The following ASXL1 variants were observed in gnomAD, a reference collection of about 807,000 sequenced individuals.
ASXL1 encodes the protein ASXL transcriptional regulator 1, also known as polycomb group protein ASXL1.
In ASXL1, 65 loss-of-function variants were observed where a neutral mutation model predicts 89.1. That is an observed-to-expected ratio of 0.73 (90% CI 0.60 to 0.90). ASXL1 has a LOEUF of 0.90. ASXL1 is among the 40% of genes least tolerant of loss of function. The pLI, the probability that ASXL1 is intolerant of heterozygous loss-of-function variation, is 0.00. For missense variants in ASXL1, 1,786 were observed against 1,942.9 expected (o/e 0.92, Z 1.52); for synonymous variants, 739 against 746.9 (o/e 0.99, Z 0.17).
chr20:32,396,793 C>T (rs2048769864), intron 4 of ASXL1, among the ~76,000 whole-genome samples: 1 of 152,126 alleles, frequency 6.6e-6, no homozygotes. Flanking sequence ...CTCTCATTCT[C>T]TCTCAGTATA....
intron 12 of ASXL1, 62 bp from the exon 13 acceptor site, chr20:32,434,370 T>C: frequency 1.3e-6 from 2 of 1,589,582 alleles, no homozygotes; most frequent in Non-Finnish European, 1.7e-6. Context: ...TAGTTTTGCT[T>C]TACAGTCCCT....
Position 32,430,636 on chromosome 20 carries a change from G to T in ASXL1, c.718+583G>T, listed in dbSNP as rs2011487032. On this transcript the variant is annotated intron_variant, in intron 8 of 12. Coordinates refer to ENST00000375687, the MANE Select transcript of ASXL1 (RefSeq NM_015338.6). ...TTAATTCTTAATGACCCACATGCTG[G>T]TTTTTTTTGTAGATGAAACCATTAA... The T allele has an allele frequency of 1.7e-5, 4 of 228,634 alleles. No homozygotes were observed. In the South Asian group the frequency reaches 4.8e-4, roughly 27 times the overall value. The allele number at this position is 228,634 out of a possible 1,614,324, so 14.2% of individuals were successfully genotyped here.
intron 1 of ASXL1, chr20:32,360,262 C>G (rs945616039): frequency 2.4e-4 from 37 of 154,886 alleles, no homozygotes; most frequent in Admixed American, 2.6e-4. Context: ...TGTTTGTATG[C>G]TGAAGTTTTG....
At chr20:32,400,608 G>A (rs1366205969) in intron 4 of ASXL1, among the ~76,000 whole-genome samples, 1 of 152,084 alleles carries the variant, frequency 6.6e-6, no homozygotes, top group African/African-American at 2.4e-5. Context: ...ATGGTCTTGG[G>A]TAGTTTCATC....
chr20:32,413,271 A>G (rs946576075), intron 4 of ASXL1, among the ~76,000 whole-genome samples: 9 of 152,336 alleles, frequency 5.9e-5, no homozygotes, highest in Non-Finnish European at 1.2e-4. Flanking sequence ...ACCGGAAACA[A>G]TGAGGTTGGT....
intron 4 of ASXL1, among the ~76,000 whole-genome samples, chr20:32,422,217 G>A (rs1432582300): frequency 6.6e-6 from 1 of 150,910 alleles, no homozygotes; most frequent in Non-Finnish European, 1.5e-5. Context: ...TTAGGAAGGG[G>A]CACAAGGAAA....
At chr20:32,412,143 C>G (rs186688047) in intron 4 of ASXL1, among the ~76,000 whole-genome samples, 2 of 152,274 alleles carry the variant, frequency 1.3e-5, no homozygotes, top group African/African-American at 4.8e-5. Context: ...CTTTGTCTGT[C>G]TATAGGTAAA....
chr20:32,413,648 C>T (rs2049087525), intron 4 of ASXL1, among the ~76,000 whole-genome samples: 1 of 152,122 alleles, frequency 6.6e-6, no homozygotes, highest in South Asian at 2.1e-4. Context: ...GAGGGGTTTC[C>T]CGGGGTGTAG....
intron 1 of ASXL1, among the ~76,000 whole-genome samples, chr20:32,363,928 T>G (rs1343530305): frequency 6.6e-6 from 1 of 152,180 alleles, no homozygotes; most frequent in African/African-American, 2.4e-5. Flanking sequence ...GAGACCAGAT[T>G]GTGAGGGTTC....
At position 32,436,905 on chromosome 20, in the gene ASXL1, A is replaced by C; in HGVS notation, c.4193A>C (p.His1398Pro). 2 of 1,614,226 alleles carry C rather than the reference A, an allele frequency of 1.2e-6. No homozygotes were observed. The highest frequency in any genetic ancestry group is 1.7e-6 in the Non-Finnish European group (2 of 1,180,036). Residue 1398 changes from histidine to proline, a missense_variant, in exon 13 of 13, where the codon CAC becomes CCC. Around this residue, in one of 3 missense-constraint regions of ASXL1, gnomAD observed 1,418 missense variants for 1,427.8 expected, o/e 0.99. Transcript: ENST00000375687. ...TGHSPLELVG[H>P]LEGMPFVMDL... ...CATAGTCCCCTGGAACTGGTGGGTCACTTGGAAGGGATGCCCTTTGTCATG... is the reference window on the plus strand; with the variant it reads ...CATAGTCCCCTGGAACTGGTGGGTCCCTTGGAAGGGATGCCCTTTGTCATG...
chr20:32,363,223 G>A (rs2048150636), intron 1 of ASXL1, among the ~76,000 whole-genome samples: 2 of 151,782 alleles, frequency 1.3e-5, no homozygotes, highest in Admixed American at 1.3e-4. Context: ...TCTGATTGCT[G>A]TTTAAATAAT....
intron 4 of ASXL1, among the ~76,000 whole-genome samples, chr20:32,425,124 A>G (rs986293950): frequency 1.3e-5 from 2 of 152,276 alleles, no homozygotes; most frequent in African/African-American, 4.8e-5. Context: ...TCAACTATGC[A>G]TTATTTTGTA....
Position 32,437,304 on chromosome 20 carries a change from CA to C in ASXL1, c.4595del (p.Lys1532SerfsTer9). On this transcript the variant is annotated frameshift_variant, in exon 13 of 13. Coordinates refer to ENST00000375687, the MANE Select transcript of ASXL1 (RefSeq NM_015338.6). LOFTEE classifies it high-confidence loss of function. Reference protein sequence around the residue: ...AFCHDDCIGPSKLCVLCLVVR With the variant: ...AFCHDDCIGPXKLCVLCLVVR ...TGTCACGATGACTGTATTGGACCCT[CA>C]AAGCTCTGTGTATTGTGCCTTGTGG... The C allele has an allele frequency of 6.2e-7, 1 of 1,614,080 alleles. No homozygotes were observed. The highest frequency in any genetic ancestry group is 8.5e-7 in the Non-Finnish European group (1 of 1,180,032).
intron 4 of ASXL1, among the ~76,000 whole-genome samples, chr20:32,375,003 A>G (rs1204830639): frequency 1.3e-5 from 2 of 152,220 alleles, no homozygotes; most frequent in African/African-American, 2.4e-5. Flanking sequence ...TCTTACAGCT[A>G]TGGAGGCCAA....
At chr20:32,385,136 AG>A (rs2048557320) in intron 4 of ASXL1, among the ~76,000 whole-genome samples, 1 of 152,230 alleles carries the variant, frequency 6.6e-6, no homozygotes, top group African/African-American at 2.4e-5. Flanking sequence ...CTGATGTTTG[AG>A]TGCTAACTGT....
intron 4 of ASXL1, among the ~76,000 whole-genome samples, chr20:32,380,524 G>T (rs555552426): frequency 1.3e-5 from 2 of 152,196 alleles, no homozygotes; most frequent in Admixed American, 1.3e-4. Flanking sequence ...GCCCAAGGTG[G>T]GAGAATTGCT....
chr20:32,383,059 G>A (rs2048516574), intron 4 of ASXL1, among the ~76,000 whole-genome samples: 1 of 152,042 alleles, frequency 6.6e-6, no homozygotes, highest in African/African-American at 2.4e-5. Context: ...CCCAATCTTT[G>A]ATTTGATTTC....
rs768283242 is a variant in ASXL1, at chr20:32,435,754, T to C, written c.3042T>C (p.Ser1014=). 25 of 1,614,036 alleles carry C rather than the reference T, an allele frequency of 1.5e-5. No individual in the cohort carries two copies. The highest frequency in any genetic ancestry group is 2.1e-5 in the Non-Finnish European group (25 of 1,180,048). The change falls in exon 13 of 13, where the codon AGT becomes AGC. Residue 1014 remains serine (S), a synonymous_variant. Coordinates refer to ENST00000375687, the MANE Select transcript of ASXL1 (RefSeq NM_015338.6). ...DFEGHLTEDS[S]EADTREAAVT... ...AAGGTCACCTCACGGAGGACAGCAG[T>C]GAGGCTGACACTAGAGAAGCTGCAG...
chr20:32,379,085 A>G (rs1428286305), intron 4 of ASXL1, among the ~76,000 whole-genome samples: 1 of 147,178 alleles, frequency 6.8e-6, no homozygotes, highest in African/African-American at 2.5e-5. Context: ...TGTCTCTCAC[A>G]CACACACACA....
Sources: gnomAD v4.1 joint callset for allele counts (sites outside exome capture counted in the v4.1 genomes callset) on GRCh38, gnomAD v4.1.1 for gene constraint, gnomAD v4.1.1 regional missense constraint, MANE v1.5 for transcripts, NCBI Gene and HGNC (gene_info 2026-07-23, HGNC 2026-07-21) for gene names.